ROBO1: variants seen among roughly 807,000 people sequenced by gnomAD.
The protein encoded by ROBO1 is roundabout guidance receptor 1.
Under a neutral mutation model 195.9 loss-of-function variants are expected in ROBO1, and 149 were observed. The ratio of observed to expected loss-of-function variants is 0.76; its 90% confidence interval spans 0.67 to 0.87. The LOEUF is 0.87. Ranked by LOEUF, ROBO1 falls within the 40% of genes least tolerant of loss-of-function variation. The pLI is 0.00. For synonymous variants in ROBO1, 816 were observed against 733.2 expected (o/e 1.11, Z -1.82); for missense variants, 1,933 against 2,068.3 (o/e 0.93, Z 1.27).
intron 1 of ROBO1, among the ~76,000 whole-genome samples, chr3:79,664,882 A>G (rs1313154798): frequency 6.6e-6 from 1 of 152,044 alleles, no homozygotes; most frequent in African/African-American, 2.4e-5. Flanking sequence ...ATGTCTGACC[A>G]GTAGATAGTT....
intron 1 of ROBO1, among the ~76,000 whole-genome samples, chr3:79,738,836 G>A (rs747026344): frequency 2.2e-4 from 33 of 152,054 alleles, no homozygotes; most frequent in Non-Finnish European, 4.7e-4. Context: ...ATTGTTTCCC[G>A]TGCACGAGTT....
intron 1 of ROBO1, among the ~76,000 whole-genome samples, chr3:79,659,549 C>T (rs1946268111): frequency 2.0e-5 from 3 of 151,572 alleles, no homozygotes; most frequent in South Asian, 4.2e-4. Context: ...ACAGTTAATC[C>T]GAACTGCTTC....
intron 2 of ROBO1, among the ~76,000 whole-genome samples, chr3:79,213,831 T>G (rs2108808405): frequency 6.9e-6 from 1 of 144,686 alleles, no homozygotes; most frequent in African/African-American, 2.6e-5. Flanking sequence ...TTTTTTTTTT[T>G]TTTTTTTTGT....
At chr3:79,182,570 T>TGTGTGTGTGC (rs779706587) in intron 2 of ROBO1, among the ~76,000 whole-genome samples, 16 of 149,924 alleles carry the variant, frequency 1.1e-4, no homozygotes, top group African/African-American at 3.3e-4. Flanking sequence ...TGTGTGTGTG[T>TGTGTGTGTGC]GCGTGCGTGC....
At chr3:79,759,343 A>C (rs1007676530) in intron 1 of ROBO1, among the ~76,000 whole-genome samples, 1 of 152,226 alleles carries the variant, frequency 6.6e-6, no homozygotes, top group Non-Finnish European at 1.5e-5. Flanking sequence ...CACATTGATC[A>C]GAAGCTGTTG....
intron 2 of ROBO1, among the ~76,000 whole-genome samples, chr3:79,312,821 T>C (rs1231134762): frequency 2.0e-5 from 3 of 152,192 alleles, no homozygotes; most frequent in African/African-American, 7.2e-5. Context: ...AATAACAGAA[T>C]ACTTGCCCTT....
chr3:78,948,542 A>T lies in ROBO1; in HGVS notation c.173-9615T>A, dbSNP rs535099216. Among the ~76,000 whole-genome samples, 21 of 152,270 alleles carry T rather than the reference A, an allele frequency of 1.4e-4. No individual in the cohort carries two copies. The South Asian group carries it at 3.9e-3, about 29-fold the overall frequency. ...AAATAATAAGAGTTATCTATGACAA[A>T]CCCACAGCCAATATCATACTGAATG... is the stretch of plus-strand genomic sequence containing the variant. On this transcript the variant is annotated intron_variant, in intron 3 of 30. Coordinates refer to ENST00000464233, the MANE Select transcript of ROBO1 (RefSeq NM_002941.4).
chr3:78,740,288 A>C (rs2082494150), intron 5 of ROBO1, among the ~76,000 whole-genome samples: 1 of 152,028 alleles, frequency 6.6e-6, no homozygotes, highest in Non-Finnish European at 1.5e-5. Flanking sequence ...GATATAAAAC[A>C]TATAATACAT....
intron 4 of ROBO1, among the ~76,000 whole-genome samples, chr3:78,816,436 ATAATC>A (rs2029912978): frequency 6.6e-6 from 1 of 152,174 alleles, no homozygotes; most frequent in Non-Finnish European, 1.5e-5. Flanking sequence ...CACCCATTCT[ATAATC>A]CTTGGATCAA....
chr3:79,545,446 C>T (rs1298200896), intron 2 of ROBO1, among the ~76,000 whole-genome samples: 1 of 152,130 alleles, frequency 6.6e-6, no homozygotes, highest in African/African-American at 2.4e-5. Context: ...TTCTTGCTAA[C>T]CTTGCCAGAA....
At chr3:79,475,315 G>T (rs2107343241) in intron 2 of ROBO1, among the ~76,000 whole-genome samples, 1 of 152,006 alleles carries the variant, frequency 6.6e-6, no homozygotes, top group South Asian at 2.1e-4. Context: ...AACACATATT[G>T]TTTAGTCTAC....
intron 1 of ROBO1, among the ~76,000 whole-genome samples, chr3:79,609,851 GA>G (rs1576111953): frequency 6.6e-6 from 1 of 151,790 alleles, no homozygotes; most frequent in East Asian, 1.9e-4. Context: ...GAGGGAAGAA[GA>G]AAATGAGGAG....
chr3:79,429,237 A>G (rs2038575715), intron 2 of ROBO1, among the ~76,000 whole-genome samples: 1 of 152,154 alleles, frequency 6.6e-6, no homozygotes, highest in South Asian at 2.1e-4. Flanking sequence ...CCTTTGAACA[A>G]AACTTAAGCT....
At chr3:79,476,847 G>A (rs904241726) in intron 2 of ROBO1, among the ~76,000 whole-genome samples, 2 of 151,672 alleles carry the variant, frequency 1.3e-5, no homozygotes, top group African/African-American at 4.8e-5. Flanking sequence ...CCAAAATCTC[G>A]GAAATCACCA....
At chr3:78,722,386 T>C (rs966945024) in intron 5 of ROBO1, among the ~76,000 whole-genome samples, 14 of 152,170 alleles carry the variant, frequency 9.2e-5, no homozygotes, top group Non-Finnish European at 1.9e-4. Flanking sequence ...ATAAGCATCA[T>C]GAAAAGCTGT....
At chr3:79,693,796 A>G (rs1947365241) in intron 1 of ROBO1, among the ~76,000 whole-genome samples, 1 of 151,566 alleles carries the variant, frequency 6.6e-6, no homozygotes, top group Non-Finnish European at 1.5e-5. Flanking sequence ...TTACACATTC[A>G]TTTTCTCAAG....
intron 2 of ROBO1, among the ~76,000 whole-genome samples, chr3:79,275,885 T>C (rs1425462823): frequency 7.2e-6 from 1 of 139,736 alleles, no homozygotes; most frequent in Non-Finnish European, 1.7e-5. Flanking sequence ...TTACAACAGC[T>C]ACAAAAAAAA....
At chr3:79,320,652 T>C (rs1223180964) in intron 2 of ROBO1, among the ~76,000 whole-genome samples, 1 of 152,186 alleles carries the variant, frequency 6.6e-6, no homozygotes, top group Non-Finnish European at 1.5e-5. Flanking sequence ...AACATATGAA[T>C]GTTGGAAGAA....
At chr3:79,287,053 C>A (rs1257324457) in intron 2 of ROBO1, among the ~76,000 whole-genome samples, 3 of 152,010 alleles carry the variant, frequency 2.0e-5, no homozygotes, top group Non-Finnish European at 4.4e-5. Context: ...GGGAAGTTTT[C>A]CAGCGCACAA....
Sources: gnomAD v4.1 joint callset for allele counts (sites outside exome capture counted in the v4.1 genomes callset) on GRCh38, gnomAD v4.1.1 for gene constraint, MANE v1.5 for transcripts, NCBI Gene and HGNC (gene_info 2026-07-23, HGNC 2026-07-21) for gene names.